NKAIN2: variants seen among roughly 807,000 people sequenced by gnomAD.
The protein encoded by NKAIN2 is sodium/potassium transporting ATPase interacting 2.
A neutral mutation model predicts 32.6 loss-of-function variants in NKAIN2; 14 were observed. The observed-to-expected ratio is 0.43, with a 90% confidence interval of 0.28 to 0.67. NKAIN2 has a LOEUF of 0.67. Among genes scored for constraint, NKAIN2 ranks in the 30% least tolerant of loss-of-function variants. NKAIN2 has a pLI of 0.17. For missense variants in NKAIN2, 198 were observed against 258.3 expected (o/e 0.77, Z 1.60); for synonymous variants, 80 against 87.2 (o/e 0.92, Z 0.46).
chr6:124,360,563 C>A (rs1799242125), intron 3 of NKAIN2, among the ~76,000 whole-genome samples: 1 of 151,404 alleles, frequency 6.6e-6, no homozygotes. Context: ...TTAAAATTTC[C>A]ATTAACATAT....
rs1781262168 is a variant in NKAIN2 at position 124,818,407 on chromosome 6, G to A, written c.556G>A (p.Asp186Asn). The A allele has an allele frequency of 6.2e-7, 1 of 1,601,802 alleles. No individual in the cohort carries two copies. Among genetic ancestry groups the A allele is most frequent in the African/African-American group, 1.3e-5 (1 of 74,564 alleles). Residue 186 changes from aspartate (D) to asparagine (N), a missense_variant, in exon 6 of 7, where the codon GAC (aspartate) becomes AAC (asparagine). Physicochemically the swap from Asp to Asn is conservative, Grantham distance 23. Transcript: ENST00000368417. ...EDSFDFIGGF[D>N]SYGYQGPQKT... is the part of the protein sequence containing the mutation. The stretch of plus-strand genomic sequence containing the variant: ...TTCAGTTGATTTCATAGGTGGCTTT[G>A]ACTCTTATGGCTATCAAGGGCCTCA...
chr6:124,230,289 G>C (rs772155987), intron 1 of NKAIN2, among the ~76,000 whole-genome samples: 2 of 152,114 alleles, frequency 1.3e-5, no homozygotes, highest in Non-Finnish European at 2.9e-5. Context: ...AAGCAACAAA[G>C]CATTTAAGAA....
chr6:124,202,323 G>A (rs1790631309), intron 1 of NKAIN2, among the ~76,000 whole-genome samples: 1 of 151,894 alleles, frequency 6.6e-6, no homozygotes, highest in African/African-American at 2.4e-5. Flanking sequence ...CAATTTAGGT[G>A]CTCCTCAGTG....
intron 4 of NKAIN2, among the ~76,000 whole-genome samples, chr6:124,787,714 G>T (rs1779568165): frequency 6.6e-6 from 1 of 152,016 alleles, no homozygotes; most frequent in Non-Finnish European, 1.5e-5. Flanking sequence ...TTTGTAGGGG[G>T]TGCTCCTTCA....
At chr6:123,904,965 T>A (rs1774791450) in intron 1 of NKAIN2, among the ~76,000 whole-genome samples, 1 of 152,178 alleles carries the variant, frequency 6.6e-6, no homozygotes, top group African/African-American at 2.4e-5. Flanking sequence ...ATGAAATTCA[T>A]CACTGTTCAT....
At chr6:124,210,061 T>C (rs73561232) in intron 1 of NKAIN2, among the ~76,000 whole-genome samples, 2,868 of 151,904 alleles carry the variant, frequency 0.019, 77 homozygotes, top group African/African-American at 0.064. Context: ...TGTTTTTTTT[T>C]CAGTGGTTTC....
intron 1 of NKAIN2, among the ~76,000 whole-genome samples, chr6:124,154,264 T>A (rs1447917782): frequency 6.6e-6 from 1 of 151,862 alleles, no homozygotes; most frequent in African/African-American, 2.4e-5. Flanking sequence ...TTAATTTGAA[T>A]GATATCACTG....
chr6:124,198,477 C>G lies in NKAIN2; in HGVS notation c.55-84528C>G, dbSNP rs545207661. Reference sequence around the variant, plus strand: ...CCTTGTATTTGTTGTAGATCTTGACCTTGAGTGAGAGTTTCTCTTCTTCTC... The same window carrying G: ...CCTTGTATTTGTTGTAGATCTTGACGTTGAGTGAGAGTTTCTCTTCTTCTC... On this transcript the variant is annotated intron_variant, in intron 1 of 6. Transcript: ENST00000368417. Among the ~76,000 whole-genome samples the G allele has an allele frequency of 3.3e-5, 5 of 151,300 alleles. No individual in the cohort carries two copies. In the South Asian group the frequency reaches 1.0e-3, roughly 32 times the overall value.
rs574432215 is a variant in NKAIN2, at chr6:124,414,868, C to T, written c.273+59521C>T. Among the ~76,000 whole-genome samples the T allele has an allele frequency of 2.2e-3, 329 of 151,858 alleles. 3 individuals carry two copies. Among genetic ancestry groups the T allele is most frequent in the South Asian group, 0.014 (65 of 4,802 alleles). ...TCTTATTTCTGATATTGTTAACTTG[C>T]TAATTTTAAATTATGATTCATAATT... is the stretch of plus-strand genomic sequence containing the variant. On this transcript the variant is annotated intron_variant, in intron 3 of 6. Transcript: ENST00000368417.
At chr6:124,721,936 T>C (rs868426278) in intron 4 of NKAIN2, among the ~76,000 whole-genome samples, 11 of 152,228 alleles carry the variant, frequency 7.2e-5, no homozygotes, top group Non-Finnish European at 7.3e-5. Flanking sequence ...TTTTTTTGTC[T>C]GTAAAACTGA....
chr6:124,385,097 A>T (rs1175751447), intron 3 of NKAIN2, among the ~76,000 whole-genome samples: 1 of 152,210 alleles, frequency 6.6e-6, no homozygotes, highest in African/African-American at 2.4e-5. Flanking sequence ...GCTGCAGAAA[A>T]ATAGTATCAT....
intron 1 of NKAIN2, among the ~76,000 whole-genome samples, chr6:123,853,031 A>G (rs1775415088): frequency 6.6e-6 from 1 of 152,226 alleles, no homozygotes; most frequent in African/African-American, 2.4e-5. Flanking sequence ...CATGTTGAGT[A>G]TCATCATTGA....
intron 1 of NKAIN2, among the ~76,000 whole-genome samples, chr6:123,968,456 C>T (rs1381472732): frequency 6.6e-6 from 1 of 152,150 alleles, no homozygotes; most frequent in African/African-American, 2.4e-5. Context: ...AAACATGTTG[C>T]TCTGTATCTG....
chr6:124,033,387 G>T (rs888766708), intron 1 of NKAIN2, among the ~76,000 whole-genome samples: 2 of 152,000 alleles, frequency 1.3e-5, no homozygotes, highest in African/African-American at 4.8e-5. Context: ...ACACTTAAAA[G>T]ATATTATTTA....
chr6:124,389,167 G>A (rs1350378691), intron 3 of NKAIN2, among the ~76,000 whole-genome samples: 2 of 152,050 alleles, frequency 1.3e-5, no homozygotes, highest in African/African-American at 4.8e-5. Context: ...CAATGGTTCA[G>A]TATTCACTAA....
intron 3 of NKAIN2, among the ~76,000 whole-genome samples, chr6:124,444,613 C>A (rs1775816930): frequency 6.6e-6 from 1 of 151,912 alleles, no homozygotes; most frequent in African/African-American, 2.4e-5. Flanking sequence ...AACTACAAAA[C>A]TTTTCTAGTA....
chr6:123,970,124 T>G (rs1317449415), intron 1 of NKAIN2, among the ~76,000 whole-genome samples: 2 of 151,822 alleles, frequency 1.3e-5, no homozygotes, highest in Non-Finnish European at 2.9e-5. Flanking sequence ...TATATATATA[T>G]ATGTATAAAT....
intron 1 of NKAIN2, among the ~76,000 whole-genome samples, chr6:123,974,276 C>A (rs949946531): frequency 1.3e-5 from 2 of 151,056 alleles, no homozygotes; most frequent in African/African-American, 4.9e-5. Context: ...AGGATATTTT[C>A]CATTAAAGAT....
chr6:124,334,708 T>A (rs1797797161), intron 2 of NKAIN2, among the ~76,000 whole-genome samples: 1 of 144,954 alleles, frequency 6.9e-6, no homozygotes, highest in African/African-American at 2.6e-5. Flanking sequence ...TTAGTGATCT[T>A]GCGGCATCTA....
Sources: allele counts gnomAD v4.1 joint callset (sites outside exome capture counted in the v4.1 genomes callset), GRCh38; gene constraint gnomAD v4.1.1; transcripts MANE v1.5; gene names NCBI Gene and HGNC (gene_info 2026-07-23, HGNC 2026-07-21).